GALNTL6: variants seen among roughly 807,000 people sequenced by gnomAD.
GALNTL6 encodes polypeptide N-acetylgalactosaminyltransferase-like 6.
Under a neutral mutation model 73.7 loss-of-function variants are expected in GALNTL6, and 46 were observed. That is an observed-to-expected ratio of 0.62 (90% CI 0.49 to 0.80). The LOEUF is 0.80. Ranked by LOEUF, GALNTL6 falls within the 30% of genes least tolerant of loss-of-function variation. GALNTL6 has a pLI of 0.00. For missense variants in GALNTL6, 604 were observed against 755.0 expected (o/e 0.80, Z 2.34); for synonymous variants, 259 against 263.7 (o/e 0.98, Z 0.17).
At chr4:172,697,069 TACTC>T (rs1406067707) in intron 5 of GALNTL6, among the ~76,000 whole-genome samples, 3 of 152,240 alleles carry the variant, frequency 2.0e-5, no homozygotes, top group Admixed American at 6.5e-5. Context: ...TATGTCATGA[TACTC>T]AATCAACAGA....
At chr4:171,975,028 A>G (rs1190773745) in intron 2 of GALNTL6, among the ~76,000 whole-genome samples, 1 of 152,148 alleles carries the variant, frequency 6.6e-6, no homozygotes, top group Non-Finnish European at 1.5e-5. Flanking sequence ...GAGGCCAGTT[A>G]ACTTGTTTAT....
At chr4:171,981,645 A>C (rs1739899153) in intron 2 of GALNTL6, among the ~76,000 whole-genome samples, 1 of 152,120 alleles carries the variant, frequency 6.6e-6, no homozygotes, top group African/African-American at 2.4e-5. Context: ...GAAATTCCTA[A>C]ATTAAATTAA....
At chr4:172,514,381 C>T (rs546378898) in intron 5 of GALNTL6, among the ~76,000 whole-genome samples, 3 of 152,142 alleles carry the variant, frequency 2.0e-5, no homozygotes, top group Non-Finnish European at 4.4e-5. Context: ...CTGGCAGTGC[C>T]AGGCCTCACC....
intron 3 of GALNTL6, among the ~76,000 whole-genome samples, chr4:172,237,785 T>C (rs1468511939): frequency 6.6e-6 from 1 of 152,134 alleles, no homozygotes; most frequent in Non-Finnish European, 1.5e-5. Context: ...GGAAGTGGTC[T>C]AGTTTCAATC....
At chr4:172,325,809 A>AT (rs1443318255) in intron 4 of GALNTL6, among the ~76,000 whole-genome samples, 9 of 151,868 alleles carry the variant, frequency 5.9e-5, no homozygotes, top group Admixed American at 2.0e-4. Flanking sequence ...AATACTAAAA[A>AT]ATATATATAA....
intron 2 of GALNTL6, among the ~76,000 whole-genome samples, chr4:172,165,457 T>C (rs570301733): frequency 2.0e-5 from 3 of 152,304 alleles, no homozygotes; most frequent in Admixed American, 6.5e-5. Flanking sequence ...AAAAGACTTA[T>C]CAGTGTCTTT....
chr4:172,859,208 T>A (rs551680319), intron 7 of GALNTL6, among the ~76,000 whole-genome samples: 1 of 152,256 alleles, frequency 6.6e-6, no homozygotes, highest in South Asian at 2.1e-4. Flanking sequence ...AAGGAAAGAC[T>A]GAAGATCACA....
At chr4:173,038,718 A>G (rs1753791790) in intron 12 of GALNTL6, among the ~76,000 whole-genome samples, 1 of 152,198 alleles carries the variant, frequency 6.6e-6, no homozygotes, top group Admixed American at 6.5e-5. Context: ...TTCTTCCTTC[A>G]TGCAGTGCTT....
Position 172,224,863 on chromosome 4 carries a change from C to T in GALNTL6, c.139-4793C>T, listed in dbSNP as rs115599045. 9.0e-3 allele frequency among the ~76,000 whole-genome samples: 1,362 copies of T among 152,162 alleles called. 23 individuals carry two copies. The highest frequency in any genetic ancestry group is 0.031 in the African/African-American group (1,297 of 41,510). On this transcript the variant is annotated intron_variant, in intron 2 of 12. Coordinates refer to ENST00000506823, the MANE Select transcript of GALNTL6 (RefSeq NM_001034845.3). The stretch of plus-strand genomic sequence containing the variant: ...ATCCTTGGAAATAGTTTCTTATGAC[C>T]CATCTGAAAGGATGTTAGTTTCAAT...
chr4:172,653,853 C>G (rs546462337), intron 5 of GALNTL6, among the ~76,000 whole-genome samples: 1 of 152,344 alleles, frequency 6.6e-6, no homozygotes, highest in East Asian at 1.9e-4. Context: ...CAACACTGTG[C>G]ATTATTCATA....
intron 2 of GALNTL6, among the ~76,000 whole-genome samples, chr4:172,000,813 A>G (rs1469820406): frequency 6.6e-6 from 1 of 152,176 alleles, no homozygotes; most frequent in Non-Finnish European, 1.5e-5. Flanking sequence ...GGCATATCCT[A>G]GAACTCATGC....
intron 3 of GALNTL6, among the ~76,000 whole-genome samples, chr4:172,293,905 G>A (rs6553618): frequency 0.94 from 142,660 of 150,976 alleles, 67,899 homozygotes; most frequent in East Asian, 1. Context: ...GTTTTAGGGT[G>A]CATGTGCAAA....
chr4:172,341,429 C>T (rs1367693222), intron 4 of GALNTL6, among the ~76,000 whole-genome samples: 16 of 121,700 alleles, frequency 1.3e-4, no homozygotes, highest in East Asian at 1.0e-3. Context: ...CCAGCCTGGG[C>T]GACAGAGCGA....
rs976603182 is a variant in GALNTL6 at position 171,828,685 on chromosome 4, T to A, written c.138+13967T>A. On this transcript the variant is annotated intron_variant, in intron 2 of 12. Coordinates refer to ENST00000506823, the MANE Select transcript of GALNTL6 (RefSeq NM_001034845.3). Reference sequence around the variant, plus strand: ...CCCAGGCTGGAGTGCAGTGGCTCAATCTCTGCTTACTGCAACTTCTTCTGC... The same window carrying A: ...CCCAGGCTGGAGTGCAGTGGCTCAAACTCTGCTTACTGCAACTTCTTCTGC... 4.6e-5 allele frequency among the ~76,000 whole-genome samples: 7 copies of A among 152,172 alleles called. No individual in the cohort carries two copies. The East Asian group carries it at 1.2e-3, about 25-fold the overall frequency.
chr4:172,798,572 C>A (rs569682222), intron 5 of GALNTL6, among the ~76,000 whole-genome samples: 1 of 152,158 alleles, frequency 6.6e-6, no homozygotes. Flanking sequence ...AATTAAACCT[C>A]TTTTCTTTAT....
intron 5 of GALNTL6, among the ~76,000 whole-genome samples, chr4:172,453,203 GAA>G (rs374344999): frequency 2.3e-5 from 3 of 128,840 alleles, no homozygotes; most frequent in African/African-American, 5.6e-5. Context: ...CTCTGTCTCA[GAA>G]AAAAAAAAAA....
At chr4:172,017,793 G>A (rs112794746) in intron 2 of GALNTL6, among the ~76,000 whole-genome samples, 22 of 152,140 alleles carry the variant, frequency 1.4e-4, no homozygotes, top group Non-Finnish European at 2.2e-4. Context: ...ATCTAGCCAC[G>A]CATTGGGGCT....
intron 10 of GALNTL6, among the ~76,000 whole-genome samples, chr4:172,962,035 G>T (rs969288214): frequency 1.3e-5 from 2 of 152,170 alleles, no homozygotes; most frequent in Non-Finnish European, 2.9e-5. Flanking sequence ...CATTTTATAG[G>T]ATTTGGGTAG....
At chr4:172,101,106 T>A (rs1358080367) in intron 2 of GALNTL6, among the ~76,000 whole-genome samples, 1 of 152,132 alleles carries the variant, frequency 6.6e-6, no homozygotes, top group African/African-American at 2.4e-5. Context: ...GCAGTCTCTA[T>A]TGGGCTTATG....
Sources: gnomAD v4.1 joint callset for allele counts (sites outside exome capture counted in the v4.1 genomes callset) on GRCh38, gnomAD v4.1.1 for gene constraint, MANE v1.5 for transcripts, NCBI Gene and HGNC (gene_info 2026-07-23, HGNC 2026-07-21) for gene names.